Variants in RAD51C observed in about 807,000 individuals in gnomAD.
The protein encoded by RAD51C is RAD51 paralog C, also known as DNA repair protein RAD51 homolog 3.
Under a neutral mutation model 45.0 loss-of-function variants are expected in RAD51C, and 42 were observed. The ratio of observed to expected loss-of-function variants is 0.93; its 90% CI spans 0.73 to 1.21. The LOEUF (loss-of-function observed/expected upper bound fraction) is 1.21. Ranked by LOEUF, RAD51C falls within the 50% of genes most tolerant of loss-of-function variation. RAD51C has a pLI of 0.00. For missense variants in RAD51C, 474 were observed against 452.2 expected, an observed-to-expected ratio of 1.05 and a Z score of -0.44; for synonymous variants, 172 against 159.8, an observed-to-expected ratio of 1.08 and a Z score of -0.58.
At position 58,696,301 on chromosome 17, in the gene RAD51C, C is replaced by T. The variant is rs373635665; in HGVS notation, c.405-392C>T. Among the ~76,000 whole-genome samples, 7 of 151,474 alleles carry T rather than the reference C, an allele frequency of 4.6e-5. No individual in the cohort carries two copies. The East Asian group carries it at 1.4e-3, about 30-fold the overall frequency. ...ACAAAGAATTAGCCGGGCGTGGTGG[C>T]GGGTGCTTGTAGTCCTAGCTACTCG... On this transcript the variant is annotated intron_variant, in intron 2 of 8. Transcript: ENST00000337432.
At chr17:58,721,883 C>G (rs1204038416) in intron 6 of RAD51C, among the ~76,000 whole-genome samples, 2 of 152,084 alleles carry the variant, frequency 1.3e-5, no homozygotes, top group Non-Finnish European at 1.5e-5. Context: ...AGGACGGATT[C>G]TAACCTGGCC....
At position 58,694,926 on chromosome 17, in the gene RAD51C, TTCA is replaced by T. The variant is rs1555593450; in HGVS notation, c.146-4_146-2del. ...AGGGTTCTTTTTTTCTTATTTTACTTTCAGAAGTTGGGATATCTAAAGCAGAAG... is the reference window on the plus strand; with the variant it reads ...AGGGTTCTTTTTTTCTTATTTTACTTGAAGTTGGGATATCTAAAGCAGAAG... On this transcript the variant is annotated splice_acceptor_variant and splice_polypyrimidine_tract_variant and intron_variant, in intron 1 of 8. Coordinates refer to ENST00000337432, the MANE Select transcript of RAD51C (RefSeq NM_058216.3). LOFTEE classifies it high-confidence loss of function. The T allele has an allele frequency of 6.2e-7, 1 of 1,609,676 alleles. No homozygotes were observed. The highest frequency in any genetic ancestry group is 8.5e-7 in the Non-Finnish European group (1 of 1,176,058).
At position 58,696,766 on chromosome 17, in the gene RAD51C, A is replaced by G; in HGVS notation, c.478A>G (p.Thr160Ala). 6.2e-7 allele frequency: 1 copy of G among 1,614,226 alleles called. No homozygotes were observed. The highest frequency in any genetic ancestry group is 1.1e-5 in the South Asian group (1 of 91,086). ...GGCAGGTGAAGCAGTTTTTATTGAT[A>G]CAGAGGGAAGTTTTATGGTTGATAG... ...GVAGEAVFID[T>A]EGSFMVDRVV... The change falls in exon 3 of 9, where the codon ACA (threonine) becomes GCA (alanine). Residue 160 changes from threonine (T) to alanine (A), a missense_variant. Transcript: ENST00000337432.
At chr17:58,729,792 G>A (rs537491892) in intron 7 of RAD51C, among the ~76,000 whole-genome samples, 5 of 151,734 alleles carry the variant, frequency 3.3e-5, no homozygotes, top group African/African-American at 7.3e-5. Context: ...GGCTGGTCTC[G>A]GATGCCTGAC....
At chr17:58,729,533 T>G (rs1310180641) in intron 7 of RAD51C, among the ~76,000 whole-genome samples, 1 of 151,558 alleles carries the variant, frequency 6.6e-6, no homozygotes, top group Non-Finnish European at 1.5e-5. Context: ...ATTTTCAACC[T>G]GAATAATTAA....
At chr17:58,727,931 GAT>G (rs2049231384) in intron 7 of RAD51C, among the ~76,000 whole-genome samples, 2 of 145,498 alleles carry the variant, frequency 1.4e-5, no homozygotes, top group African/African-American at 5.1e-5. Flanking sequence ...CCATCTCTAA[GAT>G]ATTAAAAAAA....
chr17:58,696,161 A>C (rs1337143223), intron 2 of RAD51C, among the ~76,000 whole-genome samples: 2 of 151,672 alleles, frequency 1.3e-5, no homozygotes, highest in Non-Finnish European at 2.9e-5. Context: ...GGCTGGGCGC[A>C]GTGGCTGACG....
chr17:58,696,687 T>A lies in RAD51C; in HGVS notation c.405-6T>A, dbSNP rs1064793245. 1 of 1,614,188 alleles carries A rather than the reference T, an allele frequency of 6.2e-7. No individual in the cohort carries two copies. The highest frequency in any genetic ancestry group is 8.5e-7 in the Non-Finnish European group (1 of 1,180,028). On this transcript the variant is annotated splice_polypyrimidine_tract_variant and splice_region_variant and intron_variant, in intron 2 of 8. Transcript: ENST00000337432. ...ATTTGGTTGTTTGTCATCTTTCTGT[T>A]GACAGTATGCAGTTGGCAGTAGATG...
intron 1 of RAD51C, chr17:58,694,239 G>T (rs1381065716): frequency 1.3e-5 from 2 of 152,166 alleles, no homozygotes; most frequent in African/African-American, 4.8e-5. Context: ...GTTTTAGGCA[G>T]TTAAAACATC....
intron 7 of RAD51C, among the ~76,000 whole-genome samples, chr17:58,727,909 C>G (rs941172136): frequency 2.3e-4 from 34 of 148,962 alleles, no homozygotes; most frequent in Non-Finnish European, 3.0e-4. Context: ...GGCTGGGCCG[C>G]AAAATGGGAC....
intron 4 of RAD51C, chr17:58,706,593 G>T (rs1282220616): frequency 1.2e-5 from 5 of 429,616 alleles, no homozygotes; most frequent in Admixed American, 2.9e-5. Context: ...ACATAGCATT[G>T]CCCCCTGGGC....
At chr17:58,701,591 G>C (rs1380104366) in intron 3 of RAD51C, among the ~76,000 whole-genome samples, 5 of 148,164 alleles carry the variant, frequency 3.4e-5, no homozygotes, top group African/African-American at 1.2e-4. Context: ...TTTTTTCTGA[G>C]ACAGAGTCTT....
chr17:58,726,483 TATATAC>T (rs2049137752), intron 7 of RAD51C, among the ~76,000 whole-genome samples: 3 of 121,782 alleles, frequency 2.5e-5, no homozygotes, highest in Non-Finnish European at 4.0e-5. Flanking sequence ...CGTATAGATG[TATATAC>T]ATATGTATAT....
intron 4 of RAD51C, among the ~76,000 whole-genome samples, chr17:58,704,739 A>G (rs1226598987): frequency 1.3e-5 from 2 of 152,166 alleles, no homozygotes; most frequent in African/African-American, 4.8e-5. Context: ...GTGTTAGAAT[A>G]ATTTTTTCTT....
intron 4 of RAD51C, among the ~76,000 whole-genome samples, chr17:58,708,063 G>A (rs544012119): frequency 1.3e-5 from 2 of 152,234 alleles, no homozygotes; most frequent in Non-Finnish European, 2.9e-5. Context: ...CGAATATTGG[G>A]GGGACACAGC....
At chr17:58,733,291 C>T (rs1261347274) in intron 8 of RAD51C, among the ~76,000 whole-genome samples, 2 of 152,264 alleles carry the variant, frequency 1.3e-5, no homozygotes, top group African/African-American at 4.8e-5. Flanking sequence ...TCTGGGATTA[C>T]AGGCGTGAGC....
Position 58,709,862 on chromosome 17 carries a change from C to T in RAD51C, c.709C>T (p.Arg237Ter), listed in dbSNP as rs770637624. Residue 237 changes from arginine (R) to a stop codon, truncating the protein, a stop_gained, in exon 5 of 9, where the codon CGA becomes TGA. Coordinates refer to ENST00000337432, the MANE Select transcript of RAD51C (RefSeq NM_058216.3). LOFTEE classifies it high-confidence loss of function. ...PDFLSEHSKV[R>*]LVIVDGIAFP... ...ATATTATCTCTTCTGTATTTAGGTT[C>T]GACTAGTGATAGTGGATGGTATTGC... The T allele has an allele frequency of 7.5e-6, 12 of 1,604,734 alleles. No homozygotes were observed. The highest frequency in any genetic ancestry group is 2.2e-5 in the East Asian group (1 of 44,778).
Position 58,715,106 on chromosome 17 carries a change from G to T in RAD51C, c.837+5116G>T, listed in dbSNP as rs2048683887. 3.3e-5 allele frequency among the ~76,000 whole-genome samples: 5 copies of T among 151,128 alleles called. No individual in the cohort carries two copies. In the South Asian group the frequency reaches 1.0e-3, roughly 32 times the overall value. ...CTATGGAGAAAGTAATTCTGGTTCTGGGAAACACACAGTTCCAGATTATTA... is the reference window on the plus strand; with the variant it reads ...CTATGGAGAAAGTAATTCTGGTTCTTGGAAACACACAGTTCCAGATTATTA... On this transcript the variant is annotated intron_variant, in intron 5 of 8. Transcript: ENST00000337432.
At chr17:58,710,046 T>TC in intron 5 of RAD51C, 56 bp downstream of exon 5, 1 of 1,543,128 alleles carries the variant, frequency 6.5e-7, no homozygotes. Context: ...GTATAAAATG[T>TC]TAATGTCTAG....
Sources: gnomAD v4.1 joint callset for allele counts (sites outside exome capture counted in the v4.1 genomes callset) on GRCh38, gnomAD v4.1.1 for gene constraint, MANE v1.5 for transcripts, NCBI Gene and HGNC (gene_info 2026-07-23, HGNC 2026-07-21) for gene names.